Variants in HGD observed in about 807,000 individuals in gnomAD.
HGD encodes homogentisate oxidase.
A neutral mutation model predicts 60.8 loss-of-function variants in HGD; 61 were observed. The observed-to-expected ratio is 1.00, with a 90% confidence interval of 0.82 to 1.24. The LOEUF is 1.24. Ranked by LOEUF, HGD falls within the 50% of genes most tolerant of loss-of-function variation. HGD has a pLI of 0.00. For missense variants in HGD, 542 were observed against 547.1 expected (o/e 0.99, Z 0.09); for synonymous variants, 212 against 187.7 (o/e 1.13, Z -1.06).
intron 4 of HGD, among the ~76,000 whole-genome samples, chr3:120,662,635 C>T (rs1398063022): frequency 2.6e-5 from 4 of 152,160 alleles, no homozygotes; most frequent in African/African-American, 9.7e-5. Context: ...CTAGGAAAAT[C>T]CTCTATTGCT....
intron 4 of HGD, among the ~76,000 whole-genome samples, chr3:120,656,575 G>A (rs775785596): frequency 1.3e-5 from 2 of 148,788 alleles, no homozygotes; most frequent in African/African-American, 2.5e-5. Context: ...GGGGGGGGTT[G>A]GAGTCGCGCT....
chr3:120,634,798 C>T (rs1191986182), intron 12 of HGD, among the ~76,000 whole-genome samples: 1 of 152,116 alleles, frequency 6.6e-6, no homozygotes, highest in Non-Finnish European at 1.5e-5. Flanking sequence ...GCAGCCACAC[C>T]CACCCTGCTC....
intron 6 of HGD, among the ~76,000 whole-genome samples, chr3:120,650,478 C>T (rs1017742765): frequency 6.6e-6 from 1 of 152,240 alleles, no homozygotes; most frequent in Non-Finnish European, 1.5e-5. Flanking sequence ...GACTTAAAGT[C>T]AAAATGCCTT....
chr3:120,640,028 G>A lies in HGD; in HGVS notation c.880-1447C>T, dbSNP rs148995849. On this transcript the variant is annotated intron_variant, in intron 11 of 13. Transcript: ENST00000283871. ...GCATTAATTGTGGGGTGGGGGTTGG[G>A]CAGCTAATTCTACCTGAAAGGGTCA... Among the ~76,000 whole-genome samples the A allele has an allele frequency of 2.0e-3, 301 of 151,868 alleles. 1 individual carries two copies. The highest frequency in any genetic ancestry group is 0.014 in the Middle Eastern group (4 of 294).
At chr3:120,680,221 G>A (rs1708208133) in intron 1 of HGD, among the ~76,000 whole-genome samples, 1 of 152,182 alleles carries the variant, frequency 6.6e-6, no homozygotes, top group Non-Finnish European at 1.5e-5. Context: ...GTACTTTTGT[G>A]TAAATGTGAT....
chr3:120,679,850 G>C (rs183990256), intron 1 of HGD, among the ~76,000 whole-genome samples: 1 of 152,306 alleles, frequency 6.6e-6, no homozygotes, highest in East Asian at 1.9e-4. Flanking sequence ...CTTTAGCCCA[G>C]TGAAACCGAT....
At position 120,652,559 on chromosome 3, in the gene HGD, G is replaced by A. The variant is rs376096986; in HGVS notation, c.342+33C>T. Reference sequence around the variant, plus strand: ...CTCACTCACCACAGAAGAGAGGAGAGCAGTAGGGAGGGTGTGGATGGGACT... The same window carrying A: ...CTCACTCACCACAGAAGAGAGGAGAACAGTAGGGAGGGTGTGGATGGGACT... On this transcript the variant is annotated intron_variant, in intron 5 of 13. Transcript: ENST00000283871. 16 of 1,498,790 alleles carry A rather than the reference G, an allele frequency of 1.1e-5. No homozygotes were observed. In the South Asian group the frequency reaches 1.5e-4, roughly 14 times the overall value. 92.8% of individuals were successfully genotyped at this position (1,498,790 alleles called of 1,614,324 possible). A position where few individuals can be genotyped will look rare whatever the true frequency, so the allele number is the denominator to read the frequency against.
At chr3:120,643,568 G>T (rs541181601) in intron 10 of HGD, among the ~76,000 whole-genome samples, 1 of 152,128 alleles carries the variant, frequency 6.6e-6, no homozygotes. Context: ...GGTTGGCCTC[G>T]GCTGGTTGGC....
intron 12 of HGD, among the ~76,000 whole-genome samples, chr3:120,633,976 C>A (rs573598808): frequency 6.6e-6 from 1 of 152,214 alleles, no homozygotes; most frequent in South Asian, 2.1e-4. Flanking sequence ...TCTTGTTTTT[C>A]TGTTCTTCAG....
intron 4 of HGD, among the ~76,000 whole-genome samples, chr3:120,659,787 T>C (rs1042511223): frequency 1.3e-5 from 2 of 152,184 alleles, no homozygotes; most frequent in African/African-American, 4.8e-5. Context: ...GAGTAATTTA[T>C]AAAGAAAAGA....
intron 4 of HGD, among the ~76,000 whole-genome samples, chr3:120,662,598 A>T (rs1707798054): frequency 6.6e-6 from 1 of 152,130 alleles, no homozygotes; most frequent in Non-Finnish European, 1.5e-5. Flanking sequence ...CATTCTATGG[A>T]CTTGGCACCT....
chr3:120,650,730 C>A, intron 6 of HGD, 44 bp downstream of exon 6: 1 of 1,445,110 alleles, frequency 6.9e-7, no homozygotes, highest in Middle Eastern at 1.7e-4. Flanking sequence ...GGCCAAAATC[C>A]CTTAGAAGAT....
intron 13 of HGD, among the ~76,000 whole-genome samples, chr3:120,631,333 T>G (rs1019725578): frequency 2.6e-5 from 4 of 152,160 alleles, no homozygotes; most frequent in Non-Finnish European, 5.9e-5. Context: ...TAATTGCACA[T>G]TTTAAAATAA....
chr3:120,670,584 G>T lies in HGD; in HGVS notation c.177-52C>A, dbSNP rs376858353. ...CAAGCCTTAGAGTAATGTTCTGAGT[G>T]ATACACAGAATGGCTCAGGCAGTAC... On this transcript the variant is annotated intron_variant, in intron 3 of 13. Coordinates refer to ENST00000283871, the MANE Select transcript of HGD (RefSeq NM_000187.4). 296 of 1,023,146 alleles carry T rather than the reference G, an allele frequency of 2.9e-4. 2 individuals are homozygous for T. In the African/African-American group the frequency reaches 3.1e-3, roughly 11 times the overall value. The allele number at this position is 1,023,146 out of a possible 1,614,324, so 63.4% of individuals were successfully genotyped here.
intron 4 of HGD, among the ~76,000 whole-genome samples, chr3:120,662,111 G>T (rs1429386649): frequency 6.6e-6 from 1 of 152,166 alleles, no homozygotes; most frequent in African/African-American, 2.4e-5. Flanking sequence ...GATAGGTAGG[G>T]GACATGGAAG....
chr3:120,663,265 G>C (rs1707820317), intron 4 of HGD, among the ~76,000 whole-genome samples: 1 of 152,134 alleles, frequency 6.6e-6, no homozygotes, highest in African/African-American at 2.4e-5. Flanking sequence ...TCTCTCAGAG[G>C]GGAGATGATG....
chr3:120,656,727 T>G (rs1028092083), intron 4 of HGD, among the ~76,000 whole-genome samples: 2 of 152,088 alleles, frequency 1.3e-5, no homozygotes, highest in African/African-American at 4.8e-5. Context: ...AGTTTTTGTA[T>G]TTTTAGTAGA....
chr3:120,647,563 A>G (rs1370274183), intron 7 of HGD, among the ~76,000 whole-genome samples: 1 of 152,210 alleles, frequency 6.6e-6, no homozygotes, highest in Non-Finnish European at 1.5e-5. Context: ...TTTCAAGGCA[A>G]ATACAGTTAC....
chr3:120,655,024 C>T (rs1185848123), intron 4 of HGD, among the ~76,000 whole-genome samples: 1 of 152,062 alleles, frequency 6.6e-6, no homozygotes, highest in Admixed American at 6.6e-5. Flanking sequence ...TGAGCCAAGA[C>T]CTCACCATTG....
Sources: gnomAD v4.1 joint callset for allele counts (sites outside exome capture counted in the v4.1 genomes callset) on GRCh38, gnomAD v4.1.1 for gene constraint, MANE v1.5 for transcripts, NCBI Gene and HGNC (gene_info 2026-07-23, HGNC 2026-07-21) for gene names.